The following ARFGEF2 variants were observed in gnomAD, a reference collection of about 807,000 sequenced individuals.
ARFGEF2 encodes brefeldin A-inhibited guanine nucleotide-exchange protein 2.
ARFGEF2 carries 74 observed loss-of-function variants against 219.9 expected under a neutral mutation model. The ratio of observed to expected loss-of-function variants is 0.34; its 90% CI spans 0.28 to 0.41. ARFGEF2 has a LOEUF of 0.41. Among genes scored for constraint, ARFGEF2 ranks in the 10% least tolerant of loss-of-function variants. The probability of loss-of-function intolerance (pLI) is 1.00; values close to 1 mark genes in which losing one functional copy is unlikely to be tolerated. For synonymous variants in ARFGEF2, 733 were observed against 799.2 expected, an observed-to-expected ratio of 0.92 and a Z score of 1.40; for missense variants, 1,743 against 2,218.3, an observed-to-expected ratio of 0.79 and a Z score of 4.30.
chr20:48,921,790 C>G lies in ARFGEF2; in HGVS notation c.-100C>G. On this transcript the variant is annotated 5_prime_UTR_variant, in exon 1 of 39. Coordinates refer to ENST00000371917, the MANE Select transcript of ARFGEF2 (RefSeq NM_006420.3). ...TTCCTGACGGGGCGGCGCGGACGGA[C>G]GCGGCCGGTGCCGGCCGGGACGCCG... 2 of 1,162,856 alleles carry G rather than the reference C, an allele frequency of 1.7e-6. No homozygotes were observed. The highest frequency in any genetic ancestry group is 4.4e-5 in the East Asian group (1 of 22,974). 72.0% of individuals were successfully genotyped at this position (1,162,856 alleles called of 1,614,324 possible).
At chr20:48,932,600 C>A (rs182769140) in intron 1 of ARFGEF2, among the ~76,000 whole-genome samples, 25 of 152,196 alleles carry the variant, frequency 1.6e-4, no homozygotes, top group African/African-American at 6.0e-4. Flanking sequence ...CTATTGATTG[C>A]GTGTCATCTG....
chr20:49,007,779 C>A (rs1280667927), intron 26 of ARFGEF2, among the ~76,000 whole-genome samples: 2 of 152,050 alleles, frequency 1.3e-5, no homozygotes, highest in Non-Finnish European at 2.9e-5. Context: ...CAGAGTCTGG[C>A]ATCACCCTTT....
rs763591309 is a variant in ARFGEF2, at chr20:48,953,800, G to A, written c.838+10G>A. 6.2e-6 allele frequency: 10 copies of A among 1,611,516 alleles called. No individual in the cohort carries two copies. In the South Asian group the frequency reaches 1.1e-4, roughly 18 times the overall value. ...GGCTCATCACTGTCAGGTACGGGCT[G>A]ATACGGTATGGCTCTTTTTCCAAGT... On this transcript the variant is annotated intron_variant, in intron 6 of 38. Transcript: ENST00000371917.
intron 26 of ARFGEF2, 78 bp from the exon 27 acceptor site, chr20:49,010,154 T>C: frequency 6.5e-7 from 1 of 1,531,692 alleles, no homozygotes; most frequent in South Asian, 1.2e-5. Flanking sequence ...AAGTGCTGCT[T>C]CTAAGGGATG....
Position 49,009,082 on chromosome 20 carries a change from G to A in ARFGEF2, c.3585-1150G>A, listed in dbSNP as rs575658379. On this transcript the variant is annotated intron_variant, in intron 26 of 38. Coordinates refer to ENST00000371917, the MANE Select transcript of ARFGEF2 (RefSeq NM_006420.3). ...CATCATATCTTTCTTTTAACAATCA[G>A]GCAAAAAAACATTATAATAAATATA... Among the ~76,000 whole-genome samples the A allele has an allele frequency of 4.6e-5, 7 of 151,672 alleles. No individual in the cohort carries two copies. In the East Asian group the frequency reaches 1.2e-3, roughly 25 times the overall value.
At chr20:49,011,844 T>C in intron 27 of ARFGEF2, 80 bp from the exon 28 acceptor site, 1 of 1,345,210 alleles carries the variant, frequency 7.4e-7, no homozygotes, top group Non-Finnish European at 1.1e-6. Flanking sequence ...TGTGTGTGTG[T>C]GTGTGTGCAC....
intron 35 of ARFGEF2, among the ~76,000 whole-genome samples, chr20:49,023,923 T>C (rs949711783): frequency 7.9e-5 from 12 of 152,190 alleles, no homozygotes; most frequent in Non-Finnish European, 1.5e-5. Flanking sequence ...TCGCTTTTTT[T>C]GTTTTCTATA....
intron 25 of ARFGEF2, among the ~76,000 whole-genome samples, chr20:49,002,382 A>ATACCCAT (rs1304019157): frequency 1.3e-5 from 2 of 152,224 alleles, no homozygotes; most frequent in African/African-American, 4.8e-5. Context: ...CTAAAACTGC[A>ATACCCAT]TACCCATTAA....
In ARFGEF2 at chr20:48,994,686, A is replaced by C. The variant is rs554342674; in HGVS notation, c.3121+88A>C. On this transcript the variant is annotated intron_variant, in intron 22 of 38. Transcript: ENST00000371917. ...TCTTGTCTCATCAGGACTGTCCTGT[A>C]AACCGTCTCTTCCTTTTGTGCCATC... The C allele has an allele frequency of 3.8e-4, 595 of 1,560,378 alleles. 9 individuals carry two copies. The South Asian group carries it at 6.6e-3, about 17-fold the overall frequency.
chr20:48,963,834 T>C lies in ARFGEF2; in HGVS notation c.843T>C (p.Thr281=). 6.2e-7 allele frequency: 1 copy of C among 1,614,008 alleles called. No homozygotes were observed. ...TATATTTGGATGTGTGTGTAGGGAC[T>C]GATGACGGAGCCCAGGAGGTGGTGA... ...PRERGSSLSG[T]DDGAQEVVKD... The change falls in exon 7 of 39, where the codon ACT becomes ACC. Residue 281 remains threonine (T), a synonymous_variant. Coordinates refer to ENST00000371917, the MANE Select transcript of ARFGEF2 (RefSeq NM_006420.3).
chr20:49,018,385 G>A (rs1218331451), intron 33 of ARFGEF2, among the ~76,000 whole-genome samples: 3 of 152,032 alleles, frequency 2.0e-5, no homozygotes, highest in East Asian at 1.9e-4. Context: ...ACAGGTGCCC[G>A]CCACCATGTC....
intron 11 of ARFGEF2, 112 bp from the exon 12 acceptor site, chr20:48,973,033 C>A: frequency 8.3e-7 from 1 of 1,199,502 alleles, no homozygotes; most frequent in Non-Finnish European, 1.2e-6. Context: ...TGAGATGTGG[C>A]CACCGGAGTC....
chr20:48,921,742 G>T lies in ARFGEF2; in HGVS notation c.-148G>T. On this transcript the variant is annotated 5_prime_UTR_variant, in exon 1 of 39. Transcript: ENST00000371917. Reference sequence around the variant, plus strand: ...TCACGTGACGCGCTCCAACATGGCGGCGCCGTGGGGCCGAGGTGTCGCTTC... The same window carrying T: ...TCACGTGACGCGCTCCAACATGGCGTCGCCGTGGGGCCGAGGTGTCGCTTC... The T allele has an allele frequency of 1.2e-6, 1 of 808,190 alleles. No individual in the cohort carries two copies. The allele number at this position is 808,190 out of a possible 1,614,324, so 50.1% of individuals were successfully genotyped here. A position where few individuals can be genotyped will look rare whatever the true frequency, so the allele number is the denominator to read the frequency against.
intron 14 of ARFGEF2, among the ~76,000 whole-genome samples, chr20:48,982,658 G>A (rs559828364): frequency 2.0e-5 from 3 of 152,278 alleles, no homozygotes; most frequent in African/African-American, 4.8e-5. Flanking sequence ...TGCCCAGTTC[G>A]AGCTTCACCA....
rs1568699962 is a variant in ARFGEF2 at position 48,951,448 on chromosome 20, G to C, written c.402G>C (p.Gly134=). ...TTCAGGGCCCTCAGACTGATGAAGG[G>C]GTTCAGTTACAAATAATTAAGGTAT... ...SCFQGPQTDE[G]VQLQIIKALL... Residue 134 remains glycine (G), a synonymous_variant, in exon 4 of 39, where the codon GGG becomes GGC. Coordinates refer to ENST00000371917, the MANE Select transcript of ARFGEF2 (RefSeq NM_006420.3). 1.9e-6 allele frequency: 3 copies of C among 1,614,088 alleles called. No homozygotes were observed. Among genetic ancestry groups the C allele is most frequent in the Admixed American group, 1.7e-5 (1 of 60,012 alleles).
intron 14 of ARFGEF2, 128 bp downstream of exon 14, chr20:48,976,327 C>T: frequency 8.7e-7 from 1 of 1,152,358 alleles, no homozygotes. Flanking sequence ...GTAGCTAAGC[C>T]TGATTGAGCC....
chr20:48,945,601 C>A (rs528912848), intron 3 of ARFGEF2, among the ~76,000 whole-genome samples: 3 of 152,136 alleles, frequency 2.0e-5, no homozygotes, highest in South Asian at 4.1e-4. Context: ...CAGTGGCTCA[C>A]GCCTGTAATC....
chr20:48,975,867 T>A, intron 13 of ARFGEF2, 149 bp from the exon 14 acceptor site: 1 of 715,202 alleles, frequency 1.4e-6, no homozygotes, highest in East Asian at 2.9e-5. Context: ...AGTATCTGAA[T>A]GATACTAAGG....
chr20:48,943,808 T>C (rs966799743), intron 3 of ARFGEF2, among the ~76,000 whole-genome samples: 1 of 152,226 alleles, frequency 6.6e-6, no homozygotes, highest in South Asian at 2.1e-4. Flanking sequence ...TTTAAAAATA[T>C]GTTGAAGTGA....
Sources: gnomAD v4.1 joint callset for allele counts (sites outside exome capture counted in the v4.1 genomes callset) on GRCh38, gnomAD v4.1.1 for gene constraint, MANE v1.5 for transcripts, NCBI Gene and HGNC (gene_info 2026-07-23, HGNC 2026-07-21) for gene names.